NTRK1: variants seen among roughly 807,000 people sequenced by gnomAD.
NTRK1 encodes the protein high affinity nerve growth factor receptor.
Under a neutral mutation model 86.8 loss-of-function variants are expected in NTRK1, and 62 were observed. That is an observed-to-expected ratio of 0.71 (90% CI 0.58 to 0.88). NTRK1 has a LOEUF of 0.88. Ranked by LOEUF, NTRK1 falls within the 40% of genes least tolerant of loss-of-function variation. The pLI is 0.00. For synonymous variants in NTRK1, 469 were observed against 456.6 expected, an observed-to-expected ratio of 1.03 and a Z score of -0.35; for missense variants, 967 against 1,078.4, an observed-to-expected ratio of 0.90 and a Z score of 1.45.
At chr1:156,864,824 TG>T (rs1199280605) in intron 3 of NTRK1, 25 bp downstream of exon 3, 2 of 1,606,818 alleles carry the variant, frequency 1.2e-6, no homozygotes, top group Non-Finnish European at 1.7e-6. Context: ...TGCTGGGCAG[TG>T]GGAGTTGGGG....
chr1:156,818,719 T>C (rs1454226009), intron 1 of NTRK1, among the ~76,000 whole-genome samples: 1 of 152,206 alleles, frequency 6.6e-6, no homozygotes, highest in African/African-American at 2.4e-5. Flanking sequence ...TATCCACTCA[T>C]TGGTTGATGG....
chr1:156,828,972 A>G (rs201630218), intron 1 of NTRK1, among the ~76,000 whole-genome samples: 1 of 152,350 alleles, frequency 6.6e-6, no homozygotes, highest in East Asian at 1.9e-4. Flanking sequence ...CCATCCAGGA[A>G]GCTCATTCAA....
At chr1:156,853,843 A>T (rs1223837141) in intron 2 of NTRK1, 1 of 1,613,986 alleles carries the variant, frequency 6.2e-7, no homozygotes, top group South Asian at 1.1e-5. Context: ...CACCCAGCAC[A>T]CCAGGGCACA....
At chr1:156,864,682 A>G (rs745800404) in intron 2 of NTRK1, 46 bp from the exon 3 acceptor site, 2 of 1,602,856 alleles carry the variant, frequency 1.2e-6, no homozygotes, top group Admixed American at 3.4e-5. Flanking sequence ...CCAGGGGCCC[A>G]GAGTAGCTGA....
upstream of NTRK1, among the ~76,000 whole-genome samples, chr1:156,857,519 T>C (rs568920951): frequency 6.4e-4 from 98 of 152,280 alleles, no homozygotes; most frequent in African/African-American, 2.3e-3. Flanking sequence ...AAGGATGTGC[T>C]CCTGTCCTGA....
chr1:156,880,861 C>T (rs748762565), intron 16 of NTRK1, among the ~76,000 whole-genome samples: 20 of 152,218 alleles, frequency 1.3e-4, no homozygotes, highest in Non-Finnish European at 2.2e-4. Context: ...TCACTCCCTG[C>T]CACCCTTTCT....
chr1:156,817,551 G>A (rs1404315430), intron 1 of NTRK1, among the ~76,000 whole-genome samples: 1 of 151,934 alleles, frequency 6.6e-6, no homozygotes, highest in Non-Finnish European at 1.5e-5. Flanking sequence ...AGGCAATATT[G>A]GAGGAAGGAA....
chr1:156,874,008 G>A (rs1571696417), intron 8 of NTRK1, 49 bp downstream of exon 8: 2 of 1,532,806 alleles, frequency 1.3e-6, no homozygotes, highest in Non-Finnish European at 1.8e-6. Flanking sequence ...CTCCTCCTGG[G>A]TTACAGCCAA....
chr1:156,874,812 G>A (rs1177518462), intron 10 of NTRK1, 94 bp from the exon 11 acceptor site: 12 of 1,201,582 alleles, frequency 1.0e-5, no homozygotes, highest in Middle Eastern at 1.9e-4. Context: ...ACCTGGCTCC[G>A]GGCTCCCATG....
At chr1:156,831,349 C>T (rs1008109979) in intron 1 of NTRK1, among the ~76,000 whole-genome samples, 3 of 152,186 alleles carry the variant, frequency 2.0e-5, no homozygotes, top group African/African-American at 7.2e-5. Context: ...ACTTTGCTGC[C>T]AGAAGTTTCC....
chr1:156,875,496 C>T lies in NTRK1; in HGVS notation c.1355-24C>T, dbSNP rs199892396. The T allele has an allele frequency of 1.7e-5, 28 of 1,613,552 alleles. No homozygotes were observed. The African/African-American group carries it at 3.1e-4, about 18-fold the overall frequency. ...GGGCCAAGGTGTGGGCAAACCCCTC[C>T]ATGCGGCTGTGTCTCCTCTCTAGGC... On this transcript the variant is annotated intron_variant, in intron 11 of 16. Transcript: ENST00000524377.
At chr1:156,833,864 C>A (rs1277544081) in intron 1 of NTRK1, among the ~76,000 whole-genome samples, 1 of 152,164 alleles carries the variant, frequency 6.6e-6, no homozygotes, top group East Asian at 1.9e-4. Context: ...CTGGGCAGCA[C>A]CACCTCCTCC....
chr1:156,849,929 TC>T (rs1361054746), intron 2 of NTRK1, among the ~76,000 whole-genome samples: 1 of 151,306 alleles, frequency 6.6e-6, no homozygotes. Flanking sequence ...TTTTTTTTTT[TC>T]CTCACTCTGT....
chr1:156,860,313 C>T (rs41528248), upstream of NTRK1, among the ~76,000 whole-genome samples: 2 of 152,260 alleles, frequency 1.3e-5, no homozygotes, highest in Non-Finnish European at 2.9e-5. Flanking sequence ...GGACTCCCTT[C>T]GGCCGGATTA....
intron 1 of NTRK1, among the ~76,000 whole-genome samples, chr1:156,818,995 C>CTG (rs142975760): frequency 0.011 from 1,586 of 150,948 alleles, 21 homozygotes; most frequent in African/African-American, 0.035. Context: ...ATTTGTGTGT[C>CTG]TGTGTGTGTG....
chr1:156,875,778 C>T, intron 12 of NTRK1, 112 bp downstream of exon 12: 1 of 1,437,372 alleles, frequency 7.0e-7, no homozygotes, highest in African/African-American at 1.4e-5. Flanking sequence ...TTCTCCCACC[C>T]CTCCCCAGCC....
In NTRK1 at chr1:156,874,396, G is replaced by T. The variant is rs756623123; in HGVS notation, c.1191G>T (p.Pro397=). 6.2e-7 allele frequency: 1 copy of T among 1,614,048 alleles called. No homozygotes were observed. The highest frequency in any genetic ancestry group is 8.5e-7 in the Non-Finnish European group (1 of 1,179,994). ...CTCCTGCTGCAGTCTCCTTCTCGCC[G>T]GTGGGTGAGTAGCCCAAGGTGGAGG... ...PEDPIPVSFS[P]VDTNSTSGDP... is the part of the protein sequence containing the mutation. The change falls in exon 9 of 17, where the codon CCG becomes CCT. Residue 397 remains proline, a synonymous_variant. Coordinates refer to ENST00000524377, the MANE Select transcript of NTRK1 (RefSeq NM_002529.4).
intron 2 of NTRK1, chr1:156,849,513 G>GGGGGGGGGGGGGC: frequency 2.1e-6 from 1 of 486,122 alleles, no homozygotes; most frequent in Non-Finnish European, 4.1e-6. Flanking sequence ...CAGGGGGTGG[G>GGGGGGGGGGGGGC]AAAGGGGATG....
At chr1:156,845,910 C>T (rs1388438838) in intron 2 of NTRK1, 2 of 1,600,728 alleles carry the variant, frequency 1.2e-6, no homozygotes, top group Non-Finnish European at 1.7e-6. Context: ...TCTCCCCTTC[C>T]CCACCCGCCC....
Sources: allele counts gnomAD v4.1 joint callset (sites outside exome capture counted in the v4.1 genomes callset), GRCh38; gene constraint gnomAD v4.1.1; transcripts MANE v1.5; gene names NCBI Gene and HGNC (gene_info 2026-07-23, HGNC 2026-07-21).